The following TJP1 variants were observed in gnomAD, a reference collection of about 807,000 sequenced individuals.
TJP1 encodes the protein tight junction protein 1, also known as tight junction protein ZO-1.
Under a neutral mutation model 194.2 loss-of-function variants are expected in TJP1, and 43 were observed. The observed-to-expected ratio is 0.22, with a 90% CI of 0.17 to 0.29. TJP1 has a LOEUF of 0.29. Ranked by LOEUF, TJP1 falls within the 10% of genes least tolerant of loss-of-function variation. TJP1 has a pLI of 1.00. For synonymous variants in TJP1, 801 were observed against 779.0 expected, an observed-to-expected ratio of 1.03 and a Z score of -0.47; for missense variants, 1,971 against 2,185.7, an observed-to-expected ratio of 0.90 and a Z score of 1.96.
At position 29,754,709 on chromosome 15, in the gene TJP1, T is replaced by C. The variant is rs1237281590; in HGVS notation, c.1010+6430A>G. Among the ~76,000 whole-genome samples the C allele has an allele frequency of 3.9e-5, 6 of 152,196 alleles. No individual in the cohort carries two copies. The South Asian group carries it at 1.2e-3, about 32-fold the overall frequency. ...GTTTTGGATTTCGGATTTTGGAATA[T>C]GTGCATCATACTGGTTACCCATTGA... On this transcript the variant is annotated intron_variant, in intron 8 of 27. Transcript: ENST00000614355.
At chr15:29,833,249 T>C (rs1384747463) in intron 2 of TJP1, among the ~76,000 whole-genome samples, 1 of 152,172 alleles carries the variant, frequency 6.6e-6, no homozygotes, top group East Asian at 1.9e-4. Flanking sequence ...GTAAATCTGA[T>C]CAATTTAGCA....
chr15:29,895,923 C>T (rs2053462798), intron 2 of TJP1, among the ~76,000 whole-genome samples: 1 of 152,078 alleles, frequency 6.6e-6, no homozygotes, highest in East Asian at 1.9e-4. Flanking sequence ...CTGGGGAGAG[C>T]CCACTCTCTC....
At chr15:29,897,569 C>A (rs1332324973) in intron 2 of TJP1, among the ~76,000 whole-genome samples, 1 of 152,138 alleles carries the variant, frequency 6.6e-6, no homozygotes, top group Non-Finnish European at 1.5e-5. Context: ...AATGGTAGAT[C>A]CACCAACAGC....
chr15:29,814,215 A>C (rs2049736947), intron 1 of TJP1, among the ~76,000 whole-genome samples: 1 of 152,228 alleles, frequency 6.6e-6, no homozygotes. Flanking sequence ...TCCAACGAAG[A>C]AAGCACACAA....
intron 2 of TJP1, among the ~76,000 whole-genome samples, chr15:29,791,413 C>CTTTTTTTTTTTTTTTTTTTTTTTTT: frequency 3.9e-5 from 2 of 51,190 alleles, no homozygotes; most frequent in Non-Finnish European, 6.8e-5. Context: ...CCATAATATT[C>CTTTTTTTTTTTTTTTTTTTTTTTTT]TTTTTTTTTT....
At chr15:29,805,852 A>C (rs2049079284) in intron 1 of TJP1, among the ~76,000 whole-genome samples, 1 of 152,182 alleles carries the variant, frequency 6.6e-6, no homozygotes, top group Non-Finnish European at 1.5e-5. Flanking sequence ...AGCTTGAAGG[A>C]TGTCCAGGAA....
chr15:29,843,431 C>T (rs1052390102), intron 2 of TJP1, among the ~76,000 whole-genome samples: 4 of 152,076 alleles, frequency 2.6e-5, no homozygotes, highest in Middle Eastern at 3.2e-3. Flanking sequence ...TCAGGTGATC[C>T]GCCAGCCTCA....
At chr15:29,730,930 G>A (rs1000536576) in intron 15 of TJP1, 131 of 1,219,492 alleles carry the variant, frequency 1.1e-4, no homozygotes, top group Non-Finnish European at 1.4e-4. Flanking sequence ...GCAGAAAATG[G>A]AGATGCCAAA....
At chr15:29,879,913 C>T (rs761697008) in intron 2 of TJP1, among the ~76,000 whole-genome samples, 2 of 151,972 alleles carry the variant, frequency 1.3e-5, no homozygotes, top group Admixed American at 6.6e-5. Context: ...GGTTTCACCA[C>T]GTCAGCCAGA....
Position 29,818,202 on chromosome 15 carries a change from T to C in TJP1, c.27+3800A>G, listed in dbSNP as rs371432452. On this transcript the variant is annotated intron_variant, in intron 1 of 27. Coordinates refer to ENST00000614355, the MANE Select transcript of TJP1 (RefSeq NM_001330239.4). Reference sequence around the variant, plus strand: ...CATTTAAGTATTCAGCAAAATCTAATAAGCATATACAATAGCACAATCTTA... The same window carrying C: ...CATTTAAGTATTCAGCAAAATCTAACAAGCATATACAATAGCACAATCTTA... 9.8e-5 allele frequency among the ~76,000 whole-genome samples: 15 copies of C among 152,320 alleles called. No homozygotes were observed. The South Asian group carries it at 1.4e-3, about 15-fold the overall frequency.
At chr15:29,927,096 C>T (rs954260145) in intron 2 of TJP1, among the ~76,000 whole-genome samples, 1 of 152,092 alleles carries the variant, frequency 6.6e-6, no homozygotes, top group Non-Finnish European at 1.5e-5. Flanking sequence ...GAGGTGGGTG[C>T]ATCACCTGAG....
At chr15:29,967,757 T>C (rs987524662) in intron 1 of TJP1, among the ~76,000 whole-genome samples, 13 of 152,248 alleles carry the variant, frequency 8.5e-5, no homozygotes, top group African/African-American at 3.1e-4. Flanking sequence ...AAAAGCAGCC[T>C]CATCTCCTTT....
intron 2 of TJP1, among the ~76,000 whole-genome samples, chr15:29,933,364 G>C (rs531501385): frequency 4.6e-5 from 7 of 152,218 alleles, no homozygotes; most frequent in African/African-American, 1.4e-4. Context: ...CACAATATTA[G>C]AATAAGGAGC....
chr15:29,837,920 C>T (rs2051090306), intron 2 of TJP1, among the ~76,000 whole-genome samples: 3 of 152,170 alleles, frequency 2.0e-5, no homozygotes, highest in Non-Finnish European at 4.4e-5. Flanking sequence ...GCTAAATATC[C>T]TCTCAAAAGC....
chr15:29,968,519 G>A (rs2056409627), intron 1 of TJP1: 38 of 811,998 alleles, frequency 4.7e-5, no homozygotes, highest in Non-Finnish European at 5.3e-5. Context: ...TGCGCCCCGC[G>A]CGGCGCGCCC....
chr15:29,800,394 C>T (rs990417584), intron 2 of TJP1: 3 of 497,852 alleles, frequency 6.0e-6, no homozygotes, highest in African/African-American at 5.9e-5. Flanking sequence ...TCTGATCACT[C>T]AAAATTTTAA....
rs767663630 is a variant in TJP1 at position 29,761,332 on chromosome 15, A to G, written c.863-46T>C. 1.9e-6 allele frequency: 3 copies of G among 1,607,964 alleles called. No individual in the cohort carries two copies. In the South Asian group the frequency reaches 3.3e-5, roughly 18 times the overall value. ...CTTATTTTCCCACAAAAATAATTACAGTCAAGTATAAGGTACTCCAGTAAT... is the reference window on the plus strand; with the variant it reads ...CTTATTTTCCCACAAAAATAATTACGGTCAAGTATAAGGTACTCCAGTAAT... On this transcript the variant is annotated intron_variant, in intron 7 of 27. Transcript: ENST00000614355.
At chr15:29,732,979 AC>A in intron 13 of TJP1, 114 bp downstream of exon 13, 1 of 1,285,588 alleles carries the variant, frequency 7.8e-7, no homozygotes, top group East Asian at 2.4e-5. Context: ...AGTTATAGAT[AC>A]GTTGAATACA....
intron 2 of TJP1, among the ~76,000 whole-genome samples, chr15:29,849,440 T>C (rs1242829674): frequency 7.2e-6 from 1 of 138,518 alleles, no homozygotes; most frequent in East Asian, 2.1e-4. Flanking sequence ...AAATTTTATT[T>C]AAAAAAAAAA....
Sources: allele counts gnomAD v4.1 joint callset (sites outside exome capture counted in the v4.1 genomes callset), GRCh38; gene constraint gnomAD v4.1.1; transcripts MANE v1.5; gene names NCBI Gene and HGNC (gene_info 2026-07-23, HGNC 2026-07-21).